ZSWIM5: variants seen among roughly 807,000 people sequenced by gnomAD.
ZSWIM5 encodes zinc finger SWIM domain-containing protein 5.
In ZSWIM5, 55 loss-of-function variants were observed where a neutral mutation model predicts 119.6. The ratio of observed to expected loss-of-function variants is 0.46; its 90% CI spans 0.37 to 0.58. The LOEUF (loss-of-function observed/expected upper bound fraction) is 0.58. ZSWIM5 is among the 20% of genes least tolerant of loss of function. The pLI is 0.00. For missense variants in ZSWIM5, 1,193 were observed against 1,512.8 expected, an observed-to-expected ratio of 0.79 and a Z score of 3.51; for synonymous variants, 537 against 606.9, an observed-to-expected ratio of 0.88 and a Z score of 1.69.
chr1:45,119,706 T>C (rs1645579794), intron 1 of ZSWIM5, among the ~76,000 whole-genome samples: 1 of 152,218 alleles, frequency 6.6e-6, no homozygotes, highest in Non-Finnish European at 1.5e-5. Context: ...ACACTAACTA[T>C]AAGTTACCCA....
intron 1 of ZSWIM5, among the ~76,000 whole-genome samples, chr1:45,115,069 C>T (rs346735): frequency 0.14 from 20,558 of 152,224 alleles, 1,460 homozygotes; most frequent in Non-Finnish European, 0.16. Context: ...AGTAACAATC[C>T]GATTTCTCTT....
chr1:45,151,990 T>G (rs1231424877), intron 1 of ZSWIM5, among the ~76,000 whole-genome samples: 1 of 152,174 alleles, frequency 6.6e-6, no homozygotes, highest in East Asian at 1.9e-4. Context: ...TGCATTGGTG[T>G]ATGATCCCTG....
intron 1 of ZSWIM5, among the ~76,000 whole-genome samples, chr1:45,177,537 T>C (rs1237447541): frequency 6.6e-6 from 1 of 152,012 alleles, no homozygotes; most frequent in Non-Finnish European, 1.5e-5. Flanking sequence ...AATAGCAAAA[T>C]ATTTCCCAGG....
chr1:45,187,857 A>C (rs1039393984), intron 1 of ZSWIM5, among the ~76,000 whole-genome samples: 3 of 152,214 alleles, frequency 2.0e-5, no homozygotes, highest in Non-Finnish European at 4.4e-5. Flanking sequence ...CAACATCATT[A>C]GTCACCAGAG....
chr1:45,141,637 C>A (rs1144868), intron 1 of ZSWIM5, among the ~76,000 whole-genome samples: 50,590 of 151,872 alleles, frequency 0.33, 9,632 homozygotes, highest in African/African-American at 0.53. Flanking sequence ...ACTACAAAAA[C>A]CTCACTTCAA....
chr1:45,203,297 T>C (rs1412777449), intron 1 of ZSWIM5, among the ~76,000 whole-genome samples: 1 of 152,050 alleles, frequency 6.6e-6, no homozygotes, highest in Non-Finnish European at 1.5e-5. Context: ...TACCTACTCT[T>C]TCCACAAGTT....
rs200039649 is a variant in ZSWIM5 at position 45,205,719 on chromosome 1, A to C, written c.595+37T>G. On this transcript the variant is annotated intron_variant, in intron 1 of 13. Transcript: ENST00000359600. The stretch of plus-strand genomic sequence containing the variant: ...CGAGAAGAGGCACCCGCGGAAGAGG[A>C]GGCTGAGGACCCGAGAACGCCTGGA... 1,673 of 1,503,600 alleles carry C rather than the reference A, an allele frequency of 1.1e-3. 1 individual carries two copies. The highest frequency in any genetic ancestry group is 1.4e-3 in the Non-Finnish European group (1,620 of 1,125,438). 93.1% of individuals were successfully genotyped at this position (1,503,600 alleles called of 1,614,324 possible).
chr1:45,034,244 G>A, intron 11 of ZSWIM5, 68 bp downstream of exon 11: 1 of 1,496,088 alleles, frequency 6.7e-7, no homozygotes, highest in Non-Finnish European at 9.0e-7. Context: ...TGCAGGCCAA[G>A]CCTTTGACAT....
At chr1:45,039,622 TGATCCACCC>T (rs1216010192) in intron 7 of ZSWIM5, among the ~76,000 whole-genome samples, 1 of 151,794 alleles carries the variant, frequency 6.6e-6, no homozygotes, top group Non-Finnish European at 1.5e-5. Context: ...TGGCCTCAAG[TGATCCACCC>T]GATTCACCCT....
At chr1:45,101,308 T>C (rs1053367637) in intron 1 of ZSWIM5, among the ~76,000 whole-genome samples, 1 of 152,138 alleles carries the variant, frequency 6.6e-6, no homozygotes, top group African/African-American at 2.4e-5. Flanking sequence ...TCATCACTGG[T>C]CATCAGAGAA....
intron 1 of ZSWIM5, 85 bp downstream of exon 1, chr1:45,205,671 G>C: frequency 5.2e-6 from 7 of 1,334,984 alleles, no homozygotes; most frequent in Non-Finnish European, 6.9e-6. Context: ...AGAAGGCCGG[G>C]GTCTCGGCCC....
At chr1:45,138,809 A>G (rs1391537851) in intron 1 of ZSWIM5, among the ~76,000 whole-genome samples, 2 of 152,014 alleles carry the variant, frequency 1.3e-5, no homozygotes, top group Non-Finnish European at 2.9e-5. Flanking sequence ...CCTCACTAAC[A>G]TTAACTCACG....
intron 6 of ZSWIM5, 31 bp from the exon 7 acceptor site, chr1:45,040,569 A>G (rs1645013073): frequency 6.4e-7 from 1 of 1,552,888 alleles, no homozygotes; most frequent in Non-Finnish European, 8.7e-7. Context: ...ATTTTGGTCT[A>G]GTTAAAATTT....
chr1:45,155,705 A>G (rs1557782761), intron 1 of ZSWIM5, among the ~76,000 whole-genome samples: 1 of 152,244 alleles, frequency 6.6e-6, no homozygotes, highest in Non-Finnish European at 1.5e-5. Context: ...CGCAGCCATA[A>G]AAAGGAATGA....
intron 11 of ZSWIM5, among the ~76,000 whole-genome samples, chr1:45,029,934 G>A (rs1027990426): frequency 6.6e-6 from 1 of 151,980 alleles, no homozygotes; most frequent in Non-Finnish European, 1.5e-5. Flanking sequence ...CATATAGCTG[G>A]TTCATTTTTT....
In ZSWIM5 at chr1:45,072,772, A is replaced by G. The variant is rs1203135842; in HGVS notation, c.953-12525T>C. 6.6e-6 allele frequency among the ~76,000 whole-genome samples: 1 copy of G among 151,888 alleles called. No individual in the cohort carries two copies. The highest frequency in any genetic ancestry group is 1.5e-5 in the Non-Finnish European group (1 of 68,012). On this transcript the variant is annotated intron_variant, in intron 2 of 13. Transcript: ENST00000359600. The surrounding 1 kb of genome is among the most constrained non-coding windows in gnomAD (Gnocchi z 4.1). Reference sequence around the variant, plus strand: ...GTTTCTAGGTTTTCTATTCTGTTCCATTGGTCTGTGTGTCTATTTTATGAC... The same window carrying G: ...GTTTCTAGGTTTTCTATTCTGTTCCGTTGGTCTGTGTGTCTATTTTATGAC...
At chr1:45,182,283 A>G (rs1370212514) in intron 1 of ZSWIM5, among the ~76,000 whole-genome samples, 1 of 152,056 alleles carries the variant, frequency 6.6e-6, no homozygotes, top group Non-Finnish European at 1.5e-5. Flanking sequence ...TGGCGCCTGT[A>G]GTCCCAGCTA....
intron 1 of ZSWIM5, among the ~76,000 whole-genome samples, chr1:45,110,424 T>G (rs1389079206): frequency 6.6e-6 from 1 of 152,202 alleles, no homozygotes; most frequent in African/African-American, 2.4e-5. Context: ...CTATAGTTCA[T>G]GAAGAGGCTT....
rs760124234 is a variant in ZSWIM5, at chr1:45,036,135, G to A, written c.2059C>T (p.Arg687Cys). ...TGGCTCAGGAGCTGCTCCTCATTAC[G>A]GCATACCTTGTCCTGTGCGTAGAGG... is the stretch of plus-strand genomic sequence containing the variant. ...EGLYAQDKVC[R>C]NEEQLLSQLQ... Residue 687 changes from arginine (R) to cysteine (C), a missense_variant, in exon 9 of 14, where the codon CGT becomes TGT. By Grantham distance (180) the Arg-to-Cys change is radical (BLOSUM62 -3). Transcript: ENST00000359600. 16 of 1,613,926 alleles carry A rather than the reference G, an allele frequency of 9.9e-6. No homozygotes were observed. The highest frequency in any genetic ancestry group is 6.6e-5 in the South Asian group (6 of 91,076).
Sources: allele counts gnomAD v4.1 joint callset (sites outside exome capture counted in the v4.1 genomes callset), GRCh38; gene constraint gnomAD v4.1.1; non-coding constraint Gnocchi (gnomAD v3.1); transcripts MANE v1.5; gene names NCBI Gene and HGNC (gene_info 2026-07-23, HGNC 2026-07-21).